STRN4: variants seen among roughly 807,000 people sequenced by gnomAD.
STRN4 encodes the protein striatin-4.
A neutral mutation model predicts 77.9 loss-of-function variants in STRN4; 27 were observed. The ratio of observed to expected loss-of-function variants is 0.35; its 90% CI spans 0.26 to 0.48. STRN4 has a LOEUF of 0.48. Among genes scored for constraint, STRN4 ranks in the 20% least tolerant of loss-of-function variants. The pLI, the probability that STRN4 is intolerant of heterozygous loss-of-function variation, is 0.99. For missense variants in STRN4, 798 were observed against 1,049.7 expected (o/e 0.76, Z 3.31); for synonymous variants, 466 against 443.1 (o/e 1.05, Z -0.65).
At chr19:46,727,353 G>C (rs1021205049) in intron 9 of STRN4, 99 bp downstream of exon 9, 2 of 1,016,736 alleles carry the variant, frequency 2.0e-6, no homozygotes, top group Non-Finnish European at 3.0e-6. Flanking sequence ...TGTGAAACAG[G>C]ATGAGCAGGG....
Position 46,746,008 on chromosome 19 carries a change from C to G in STRN4, c.282+141G>C, listed in dbSNP as rs560100018. 7.1e-4 allele frequency: 793 copies of G among 1,111,072 alleles called. 6 individuals are homozygous for G. The African/African-American group carries it at 0.011, about 16-fold the overall frequency. The allele number at this position is 1,111,072 out of a possible 1,614,324, so 68.8% of individuals were successfully genotyped here. A position where few individuals can be genotyped will look rare whatever the true frequency, so the allele number is the denominator to read the frequency against. ...CTCGGACGGCCCCTCACTCGCCCTC[C>G]GGGACCGTCGCGGTCCCCTCCCGCC... On this transcript the variant is annotated intron_variant, in intron 1 of 17. Transcript: ENST00000263280.
chr19:46,733,206 G>T lies in STRN4; in HGVS notation c.570C>A (p.Thr190=). The change falls in exon 5 of 18, where the codon ACC becomes ACA. Residue 190 remains threonine, a synonymous_variant. Transcript: ENST00000263280. The surrounding 1 kb of genome is among the most constrained non-coding windows in gnomAD (Gnocchi z 4.3). ...QYLEEVGYTD[T]ILDMRSKRVR... ...CGCGCTTGGACCGCATGTCGAGGATGGTGTCTGTGTAGCCCACCTCTTCCA... is the reference window on the plus strand; with the variant it reads ...CGCGCTTGGACCGCATGTCGAGGATTGTGTCTGTGTAGCCCACCTCTTCCA... 6.2e-7 allele frequency: 1 copy of T among 1,610,948 alleles called. No homozygotes were observed. The highest frequency in any genetic ancestry group is 8.5e-7 in the Non-Finnish European group (1 of 1,180,006).
chr19:46,733,437 G>C lies in STRN4; in HGVS notation c.540-201C>G. The C allele has an allele frequency of 1.7e-6, 1 of 589,920 alleles. No homozygotes were observed. The highest frequency in any genetic ancestry group is 3.0e-6 in the Non-Finnish European group (1 of 330,528). 36.5% of individuals were successfully genotyped at this position (589,920 alleles called of 1,614,324 possible). The stretch of plus-strand genomic sequence containing the variant: ...CCCTTGTACACACACACAATGCTAT[G>C]TGTGAGGGTGCTCCCTGCACTGCTG... On this transcript the variant is annotated intron_variant, in intron 4 of 17. Coordinates refer to ENST00000263280, the MANE Select transcript of STRN4 (RefSeq NM_013403.3). This position sits in a 1 kb window ranked among gnomAD's most constrained non-coding sequence, Gnocchi z 4.3.
In STRN4 at chr19:46,723,923, G is replaced by C. The variant is rs894027806; in HGVS notation, c.1595-639C>G. Among the ~76,000 whole-genome samples the C allele has an allele frequency of 1.4e-4, 21 of 152,166 alleles. No homozygotes were observed. The highest frequency in any genetic ancestry group is 4.8e-4 in the African/African-American group (20 of 41,438). ...GACAAAGACCTCTGAACTCTGCCCA[G>C]ACAAGGTGGAGCACAGGGCCAGGTG... On this transcript the variant is annotated intron_variant, in intron 12 of 17. Coordinates refer to ENST00000263280, the MANE Select transcript of STRN4 (RefSeq NM_013403.3). The surrounding 1 kb of genome is among the most constrained non-coding windows in gnomAD (Gnocchi z 5.5).
At chr19:46,728,071 C>T (rs773609296) in intron 7 of STRN4, 64 bp from the exon 8 acceptor site, 386 of 1,459,844 alleles carry the variant, frequency 2.6e-4, no homozygotes, top group Non-Finnish European at 3.4e-4. Flanking sequence ...GCATAGGTGA[C>T]GCCTTCCCCA....
In STRN4 at chr19:46,733,244, G is replaced by A. The variant is rs750664023; in HGVS notation, c.540-8C>T. On this transcript the variant is annotated splice_polypyrimidine_tract_variant and splice_region_variant and intron_variant, in intron 4 of 17. Coordinates refer to ENST00000263280, the MANE Select transcript of STRN4 (RefSeq NM_013403.3). The surrounding 1 kb of genome is among the most constrained non-coding windows in gnomAD (Gnocchi z 4.3). ...CCCACCTCTTCCAGGTACCTGCAGG[G>A]GTGCAGAGCCACGTGGGTCAGACAT... 1.2e-6 allele frequency: 2 copies of A among 1,608,070 alleles called. No individual in the cohort carries two copies. Among genetic ancestry groups the A allele is most frequent in the South Asian group, 1.1e-5 (1 of 90,902 alleles).
Position 46,733,078 on chromosome 19 carries a change from T to C in STRN4, c.698A>G (p.Glu233Gly), listed in dbSNP as rs2054288275. The C allele has an allele frequency of 1.2e-6, 2 of 1,612,940 alleles. No homozygotes were observed. The highest frequency in any genetic ancestry group is 2.2e-5 in the South Asian group (2 of 91,054). Residue 233 changes from glutamate to glycine, a missense_variant, in exon 5 of 18, where the codon GAG (glutamate) becomes GGG (glycine). Transcript: ENST00000263280. This position sits in a 1 kb window ranked among gnomAD's most constrained non-coding sequence, Gnocchi z 4.3. ...CTCGATCTGTTTCACCAGCAGCGAC[T>C]CCCCACCACTGAGCCCTGCAGGGCC... is the stretch of plus-strand genomic sequence containing the variant. The part of the protein sequence containing the change: ...PPGPAGLSGG[E>G]SLLVKQIEEQ...
rs1202383253 is a variant in STRN4 at position 46,746,378 on chromosome 19, C to T, written c.53G>A (p.Arg18His). 6 of 1,121,940 alleles carry T rather than the reference C, an allele frequency of 5.3e-6. No homozygotes were observed. The East Asian group carries it at 1.9e-4, about 35-fold the overall frequency. The allele number at this position is 1,121,940 out of a possible 1,614,324, so 69.5% of individuals were successfully genotyped here. A position where few individuals can be genotyped will look rare whatever the true frequency, so the allele number is the denominator to read the frequency against. ...AAVAAAASSC[R>H]PLGSGAGPGP... ...AGGGCCCGCGCCTGAGCCGAGCGGACGGCAGGAGGAGGCGGCGGCGGCGAC... is the reference window on the plus strand; with the variant it reads ...AGGGCCCGCGCCTGAGCCGAGCGGATGGCAGGAGGAGGCGGCGGCGGCGAC... Residue 18 changes from arginine (R) to histidine (H), a missense_variant, in exon 1 of 18, where the codon CGT (arginine) becomes CAT (histidine). Coordinates refer to ENST00000263280, the MANE Select transcript of STRN4 (RefSeq NM_013403.3).
intron 9 of STRN4, 25 bp downstream of exon 9, chr19:46,727,427 T>C (rs2054143009): frequency 6.3e-7 from 1 of 1,599,498 alleles, no homozygotes; most frequent in Admixed American, 1.7e-5. Context: ...ATGGGGACAG[T>C]GTGGGGGGCA....
At chr19:46,736,205 A>T (rs558421131) in intron 4 of STRN4, 1 of 152,172 alleles carries the variant, frequency 6.6e-6, no homozygotes, top group Middle Eastern at 3.4e-3. Flanking sequence ...AGGTGGATGG[A>T]GGCAGAGGTT....
chr19:46,725,069 A>C, intron 11 of STRN4, 141 bp from the exon 12 acceptor site: 1 of 1,342,792 alleles, frequency 7.4e-7, no homozygotes, highest in Non-Finnish European at 1.0e-6. Context: ...TGCTACCTGG[A>C]CAAGCTGCCT....
rs975366018 is a variant in STRN4, at chr19:46,733,792, A to C, written c.540-556T>G. 2 of 152,376 alleles carry C rather than the reference A, an allele frequency of 1.3e-5. No homozygotes were observed. The highest frequency in any genetic ancestry group is 2.9e-5 in the Non-Finnish European group (2 of 68,144). The allele number at this position is 152,376 out of a possible 1,614,324, so 9.4% of individuals were successfully genotyped here. ...GAATGGGATTAGGGGCGTAAGAGGA[A>C]CTTTTGCAACTTACTCTACTTACTT... is the stretch of plus-strand genomic sequence containing the variant. On this transcript the variant is annotated intron_variant, in intron 4 of 17. Coordinates refer to ENST00000263280, the MANE Select transcript of STRN4 (RefSeq NM_013403.3). This position sits in a 1 kb window ranked among gnomAD's most constrained non-coding sequence, Gnocchi z 4.3.
At position 46,720,516 on chromosome 19, in the gene STRN4, T is replaced by C. The variant is rs2053951967; in HGVS notation, c.*66+20A>G. ...GGCATGGGCGTGCAGAGACTCAGAA[T>C]GCGGGGTTTCTGCCCTCACCTCAGC... On this transcript the variant is annotated intron_variant, in intron 17 of 17. Coordinates refer to ENST00000263280, the MANE Select transcript of STRN4 (RefSeq NM_013403.3). 7.1e-7 allele frequency: 1 copy of C among 1,412,594 alleles called. No individual in the cohort carries two copies. The highest frequency in any genetic ancestry group is 9.3e-7 in the Non-Finnish European group (1 of 1,076,212). The allele number at this position is 1,412,594 out of a possible 1,614,324, so 87.5% of individuals were successfully genotyped here.
At chr19:46,743,154 A>G (rs1405446358) in intron 1 of STRN4, among the ~76,000 whole-genome samples, 1 of 152,244 alleles carries the variant, frequency 6.6e-6, no homozygotes, top group Non-Finnish European at 1.5e-5. Flanking sequence ...CTATTACATA[A>G]GCACAATAAC....
Position 46,744,674 on chromosome 19 carries a change from C to T in STRN4, c.282+1475G>A, listed in dbSNP as rs570010582. ...TGTTGGGATTACAGGCGTGAGCCAC[C>T]GCACCCCATCCCTACCGACACAATT... On this transcript the variant is annotated intron_variant, in intron 1 of 17. Transcript: ENST00000263280. 3.6e-4 allele frequency among the ~76,000 whole-genome samples: 55 copies of T among 152,088 alleles called. 1 individual carries two copies. In the South Asian group the frequency reaches 6.4e-3, roughly 18 times the overall value.
At position 46,724,921 on chromosome 19, in the gene STRN4, C is replaced by A; in HGVS notation, c.1480G>T (p.Val494Leu). 6.2e-7 allele frequency: 1 copy of A among 1,614,020 alleles called. No individual in the cohort carries two copies. The highest frequency in any genetic ancestry group is 8.5e-7 in the Non-Finnish European group (1 of 1,180,040). ...TTGCTGCCCATAGCCACAGCCAACA[C>A]TGGGCCCCTGGAAGGGACAAATATG... The part of the protein sequence containing the change: ...IHAFRAHRGP[V>L]LAVAMGSNSE... The change falls in exon 12 of 18, where the codon GTG (valine) becomes TTG (leucine). Residue 494 changes from valine (V) to leucine (L), a missense_variant. Around this residue, in one of 2 missense-constraint regions of STRN4, gnomAD observed 287 missense variants for 473.8 expected, o/e 0.61. Coordinates refer to ENST00000263280, the MANE Select transcript of STRN4 (RefSeq NM_013403.3).
chr19:46,736,768 T>C lies in STRN4; in HGVS notation c.539+55A>G, dbSNP rs753682029. 442 of 1,564,548 alleles carry C rather than the reference T, an allele frequency of 2.8e-4. No individual in the cohort carries two copies. Among genetic ancestry groups the C allele is most frequent in the Admixed American group, 4.9e-4 (29 of 58,982 alleles). The stretch of plus-strand genomic sequence containing the variant: ...AAGGACTGTGGAGTCTTTGGACTTA[T>C]CTCTCAAGCCAAACGTGTCACGTGT... On this transcript the variant is annotated intron_variant, in intron 4 of 17. Transcript: ENST00000263280.
chr19:46,734,909 C>T (rs1023062318), intron 4 of STRN4, among the ~76,000 whole-genome samples: 5 of 152,182 alleles, frequency 3.3e-5, no homozygotes, highest in Admixed American at 1.3e-4. Context: ...TGTGATCTGC[C>T]CGCCTCGGCC....
At chr19:46,732,514 C>T (rs2054276492) in intron 5 of STRN4, 1 of 156,666 alleles carries the variant, frequency 6.4e-6, no homozygotes. Flanking sequence ...AGAACATTCT[C>T]CTCCCAGCCA....
Sources: allele counts gnomAD v4.1 joint callset (sites outside exome capture counted in the v4.1 genomes callset), GRCh38; gene constraint gnomAD v4.1.1; regional missense constraint gnomAD v4.1.1; non-coding constraint Gnocchi (gnomAD v3.1); transcripts MANE v1.5; gene names NCBI Gene and HGNC (gene_info 2026-07-23, HGNC 2026-07-21).